ELMO1: variants seen among roughly 807,000 people sequenced by gnomAD.
The protein encoded by ELMO1 is engulfment and cell motility 1.
ELMO1 carries 26 observed loss-of-function variants against 98.9 expected under a neutral mutation model. The ratio of observed to expected loss-of-function variants is 0.26; its 90% confidence interval spans 0.19 to 0.36. The LOEUF (loss-of-function observed/expected upper bound fraction) is 0.36, where lower values mean the gene tolerates loss of function less well. Ranked by LOEUF, ELMO1 falls within the 10% of genes least tolerant of loss-of-function variation. ELMO1 has a pLI of 1.00. For missense variants in ELMO1, 627 were observed against 935.2 expected (o/e 0.67, Z 4.30); for synonymous variants, 346 against 346.0 (o/e 1.00, Z 0.00).
intron 13 of ELMO1, among the ~76,000 whole-genome samples, chr7:37,182,207 A>G (rs1047593229): frequency 3.3e-5 from 5 of 152,150 alleles, no homozygotes; most frequent in Non-Finnish European, 4.4e-5. Context: ...TCAGCTCAGC[A>G]CAGTGAAAAC....
rs999669068 is a variant in ELMO1, at chr7:37,222,526, A to G, written c.780+89T>C. 1.6e-5 allele frequency: 20 copies of G among 1,281,594 alleles called. No homozygotes were observed. The Admixed American group carries it at 2.4e-4, about 15-fold the overall frequency. The allele number at this position is 1,281,594 out of a possible 1,614,324, so 79.4% of individuals were successfully genotyped here. A position where few individuals can be genotyped will look rare whatever the true frequency, so the allele number is the denominator to read the frequency against. On this transcript the variant is annotated intron_variant, in intron 10 of 21. Coordinates refer to ENST00000310758, the MANE Select transcript of ELMO1 (RefSeq NM_014800.11). The stretch of plus-strand genomic sequence containing the variant: ...GTGGCCAGGATAGCAGAGAGGCCCA[A>G]TGAGTCCCCGAATAGAAGGAGAGGG...
At chr7:37,317,815 A>G (rs1054990371) in intron 2 of ELMO1, among the ~76,000 whole-genome samples, 1 of 152,240 alleles carries the variant, frequency 6.6e-6, no homozygotes, top group African/African-American at 2.4e-5. Flanking sequence ...TAAAATAACT[A>G]AAACGGTATA....
At chr7:37,210,352 A>G (rs754415277) in intron 13 of ELMO1, among the ~76,000 whole-genome samples, 2 of 152,172 alleles carry the variant, frequency 1.3e-5, no homozygotes, top group Non-Finnish European at 2.9e-5. Context: ...AATGAAAAAC[A>G]AATCAGTAAT....
At chr7:36,990,819 G>A (rs1791825046) in intron 16 of ELMO1, among the ~76,000 whole-genome samples, 1 of 152,012 alleles carries the variant, frequency 6.6e-6, no homozygotes, top group African/African-American at 2.4e-5. Flanking sequence ...TAAAAAATAT[G>A]GTGACTATTA....
chr7:37,007,294 A>G (rs1440588213), intron 16 of ELMO1, among the ~76,000 whole-genome samples: 1 of 152,220 alleles, frequency 6.6e-6, no homozygotes, highest in Non-Finnish European at 1.5e-5. Flanking sequence ...TCATGTTTCA[A>G]TTAAAACATA....
At chr7:37,260,425 G>A (rs867322631) in intron 5 of ELMO1, among the ~76,000 whole-genome samples, 1 of 152,140 alleles carries the variant, frequency 6.6e-6, no homozygotes, top group Non-Finnish European at 1.5e-5. Flanking sequence ...CAGAGTGGAG[G>A]CAGGAGAACC....
chr7:37,390,436 C>A (rs1249106453), intron 1 of ELMO1, among the ~76,000 whole-genome samples: 1 of 151,976 alleles, frequency 6.6e-6, no homozygotes, highest in African/African-American at 2.4e-5. Context: ...CCAAGGAGCA[C>A]ATTTCTTATT....
chr7:36,882,731 T>C (rs921615348), intron 18 of ELMO1, among the ~76,000 whole-genome samples: 1 of 152,232 alleles, frequency 6.6e-6, no homozygotes, highest in African/African-American at 2.4e-5. Flanking sequence ...GTCATAATTA[T>C]ATGAGTAAAA....
chr7:37,231,994 AG>A (rs1305382445), intron 8 of ELMO1, among the ~76,000 whole-genome samples: 2 of 152,076 alleles, frequency 1.3e-5, no homozygotes, highest in South Asian at 4.1e-4. Flanking sequence ...GCGGGATTAC[AG>A]GCTCCCACCA....
chr7:37,436,593 C>T (rs1286035711), intron 1 of ELMO1, among the ~76,000 whole-genome samples: 4 of 152,222 alleles, frequency 2.6e-5, no homozygotes, highest in Non-Finnish European at 5.9e-5. Flanking sequence ...TCAACCCACT[C>T]CTTAAAAGCT....
rs71553100 is a variant in ELMO1, at chr7:37,171,481, C to CTTTTTTTTTTTTTTTTTTTTTTTTTTT, written c.1087-38248_1087-38247insAAAAAAAAAAAAAAAAAAAAAAAAAAA. ...AGTTTATTCTTGTAACCAGGCCTTT[C>CTTTTTTTTTTTTTTTTTTTTTTTTTTT]TATTTTTTTTTTTTTTTTTTTTTTT... is the stretch of plus-strand genomic sequence containing the variant. On this transcript the variant is annotated intron_variant, in intron 13 of 21. Coordinates refer to ENST00000310758, the MANE Select transcript of ELMO1 (RefSeq NM_014800.11). Among the ~76,000 whole-genome samples the CTTTTTTTTTTTTTTTTTTTTTTTTTTT allele has an allele frequency of 6.8e-5, 3 of 44,268 alleles. 1 individual carries two copies. Among genetic ancestry groups the CTTTTTTTTTTTTTTTTTTTTTTTTTTT allele is most frequent in the African/African-American group, 1.9e-4 (3 of 16,050 alleles). 29.0% of individuals were successfully genotyped at this position (44,268 alleles called of 152,430 possible).
intron 14 of ELMO1, among the ~76,000 whole-genome samples, chr7:37,105,002 T>A (rs769746966): frequency 2.6e-5 from 4 of 152,130 alleles, no homozygotes; most frequent in Non-Finnish European, 4.4e-5. Context: ...ATAAAGGCCA[T>A]AAATATAAAA....
chr7:36,954,638 C>T (rs1247112289), intron 16 of ELMO1, among the ~76,000 whole-genome samples: 1 of 152,154 alleles, frequency 6.6e-6, no homozygotes, highest in Admixed American at 6.5e-5. Flanking sequence ...CTTCAGAAGC[C>T]TAGCAAAGGG....
At chr7:37,064,603 C>T (rs1796853674) in intron 15 of ELMO1, among the ~76,000 whole-genome samples, 1 of 152,222 alleles carries the variant, frequency 6.6e-6, no homozygotes, top group Admixed American at 6.5e-5. Context: ...GCACACAATA[C>T]GCACTCAGAA....
rs559279976 is a variant in ELMO1, at chr7:37,158,461, G to GA, written c.1087-25228dup. On this transcript the variant is annotated intron_variant, in intron 13 of 21. Coordinates refer to ENST00000310758, the MANE Select transcript of ELMO1 (RefSeq NM_014800.11). Reference sequence around the variant, plus strand: ...ACAAAGTACTTAAACAAATTTATAAGAAAAAAACAACCCCATCAAAAAATG... The same window carrying GA: ...ACAAAGTACTTAAACAAATTTATAAGAAAAAAAACAACCCCATCAAAAAATG... Among the ~76,000 whole-genome samples, 8 of 151,130 alleles carry GA rather than the reference G, an allele frequency of 5.3e-5. No individual in the cohort carries two copies. In the South Asian group the frequency reaches 1.7e-3, roughly 32 times the overall value.
chr7:37,080,222 A>G (rs1797790952), intron 15 of ELMO1, among the ~76,000 whole-genome samples: 1 of 152,084 alleles, frequency 6.6e-6, no homozygotes. Context: ...GGACACCATC[A>G]TCTCTCAACT....
intron 14 of ELMO1, among the ~76,000 whole-genome samples, chr7:37,102,427 A>G (rs1784693360): frequency 6.6e-6 from 1 of 152,270 alleles, no homozygotes; most frequent in Non-Finnish European, 1.5e-5. Context: ...TTAAAATTAT[A>G]GAAAGTGTGC....
At chr7:37,309,039 T>C (rs1798763062) in intron 4 of ELMO1, among the ~76,000 whole-genome samples, 1 of 151,942 alleles carries the variant, frequency 6.6e-6, no homozygotes, top group Non-Finnish European at 1.5e-5. Flanking sequence ...CCTGAAGAGA[T>C]AAAGGGACAG....
At chr7:37,090,367 G>A (rs979117361) in intron 15 of ELMO1, among the ~76,000 whole-genome samples, 5 of 152,158 alleles carry the variant, frequency 3.3e-5, no homozygotes, top group South Asian at 4.1e-4. Flanking sequence ...TAATTCTAGC[G>A]TGTTATTCCC....
Sources: gnomAD v4.1 joint callset for allele counts (sites outside exome capture counted in the v4.1 genomes callset) on GRCh38, gnomAD v4.1.1 for gene constraint, MANE v1.5 for transcripts, NCBI Gene and HGNC (gene_info 2026-07-23, HGNC 2026-07-21) for gene names.